Variants in ZNF385D observed in about 807,000 individuals in gnomAD.
ZNF385D encodes zinc finger protein 659.
ZNF385D carries 15 observed loss-of-function variants against 35.8 expected under a neutral mutation model. The ratio of observed to expected loss-of-function variants is 0.42; its 90% confidence interval spans 0.28 to 0.64. The LOEUF is 0.64. Ranked by LOEUF, ZNF385D falls within the 30% of genes least tolerant of loss-of-function variation. The pLI is 0.23. For synonymous variants in ZNF385D, 212 were observed against 186.8 expected (o/e 1.13, Z -1.10); for missense variants, 474 against 494.6 (o/e 0.96, Z 0.39).
At chr3:21,502,743 A>G (rs1430054979) in intron 4 of ZNF385D, among the ~76,000 whole-genome samples, 2 of 152,164 alleles carry the variant, frequency 1.3e-5, no homozygotes, top group African/African-American at 4.8e-5. Flanking sequence ...AAGATCTGCT[A>G]CCAGCACACT....
At chr3:21,476,467 G>T (rs1383881703) in intron 4 of ZNF385D, among the ~76,000 whole-genome samples, 8 of 151,862 alleles carry the variant, frequency 5.3e-5, no homozygotes, top group Non-Finnish European at 8.8e-5. Context: ...TTTTGATGAT[G>T]TTGAGCTCAA....
chr3:22,021,602 T>A (rs1174975047), intron 3 of ZNF385D, among the ~76,000 whole-genome samples: 1 of 152,008 alleles, frequency 6.6e-6, no homozygotes, highest in Non-Finnish European at 1.5e-5. Flanking sequence ...ATAACACAGG[T>A]AGTGTTTAGC....
intron 3 of ZNF385D, among the ~76,000 whole-genome samples, chr3:21,976,074 T>C (rs1438191329): frequency 6.6e-6 from 1 of 152,118 alleles, no homozygotes; most frequent in Admixed American, 6.6e-5. Context: ...GGATGCACCA[T>C]GTATATGGGG....
intron 2 of ZNF385D, among the ~76,000 whole-genome samples, chr3:22,284,913 G>A (rs1399707206): frequency 6.6e-6 from 1 of 152,088 alleles, no homozygotes; most frequent in Non-Finnish European, 1.5e-5. Flanking sequence ...TGCATTAAAA[G>A]GGCAGGCAGG....
At chr3:21,446,547 GC>G (rs1431572796) in intron 4 of ZNF385D, among the ~76,000 whole-genome samples, 1 of 136,646 alleles carries the variant, frequency 7.3e-6, no homozygotes, top group Non-Finnish European at 1.5e-5. Flanking sequence ...AGGCTGGAGT[GC>G]GGTGGCACCA....
At chr3:22,071,170 C>G (rs1193410273) in intron 3 of ZNF385D, among the ~76,000 whole-genome samples, 2 of 152,136 alleles carry the variant, frequency 1.3e-5, no homozygotes, top group Non-Finnish European at 2.9e-5. Flanking sequence ...TGCATTACAA[C>G]TTAGCTTTCT....
At chr3:21,636,414 A>ATAT (rs56114816) in intron 2 of ZNF385D, among the ~76,000 whole-genome samples, 10,061 of 64,148 alleles carry the variant, frequency 0.16, 1,433 homozygotes, top group Admixed American at 0.2. Context: ...ATATATATAT[A>ATAT]GAGTTTCTTA....
Position 22,320,907 on chromosome 3 carries a change from T to C in ZNF385D, c.106+51543A>G, listed in dbSNP as rs191776166. Among the ~76,000 whole-genome samples the C allele has an allele frequency of 3.9e-4, 60 of 152,082 alleles. No homozygotes were observed. The East Asian group carries it at 0.011, about 29-fold the overall frequency. On this transcript the variant is annotated intron_variant, in intron 2 of 5. Coordinates refer to the ZNF385D transcript ENST00000494108. ...ATTTTGTACATTTTAAATATACTTT[T>C]TAATTGCTTAGATGATTGTTATTGG... is the stretch of plus-strand genomic sequence containing the variant.
chr3:21,686,889 T>C (rs1394093810), intron 1 of ZNF385D, among the ~76,000 whole-genome samples: 1 of 152,194 alleles, frequency 6.6e-6, no homozygotes, highest in African/African-American at 2.4e-5. Context: ...CTGGGACAAG[T>C]TAAATACAGC....
chr3:21,525,230 T>A (rs1350938611), intron 3 of ZNF385D, among the ~76,000 whole-genome samples: 1 of 152,208 alleles, frequency 6.6e-6, no homozygotes, highest in African/African-American at 2.4e-5. Context: ...TTTTCAATAT[T>A]TTCAGATATT....
rs923642453 is a variant in ZNF385D, at chr3:22,177,322, A to C, written c.107-8287T>G. On this transcript the variant is annotated intron_variant, in intron 2 of 5. Transcript: ENST00000494108. ...AAAACAGCTTACATAAAACTTAAGA[A>C]AGGTTTGCCCCAGAAAAATTTCTGA... Among the ~76,000 whole-genome samples, 11 of 152,178 alleles carry C rather than the reference A, an allele frequency of 7.2e-5. 1 individual carries two copies. Among genetic ancestry groups the C allele is most frequent in the Admixed American group, 6.5e-4 (10 of 15,270 alleles).
At chr3:22,094,706 G>A (rs944328487) in intron 3 of ZNF385D, among the ~76,000 whole-genome samples, 1 of 151,932 alleles carries the variant, frequency 6.6e-6, no homozygotes, top group Non-Finnish European at 1.5e-5. Context: ...GAGAATACCA[G>A]ACATGCTCAG....
chr3:21,711,059 T>TTTTTTTTA, intron 1 of ZNF385D, among the ~76,000 whole-genome samples: 1 of 145,158 alleles, frequency 6.9e-6, no homozygotes, highest in East Asian at 2.0e-4. Flanking sequence ...TTTTTTTTTT[T>TTTTTTTTA]GAGATGGAGT....
rs941274811 is a variant in ZNF385D at position 22,196,619 on chromosome 3, C to G, written c.107-27584G>C. ...ATATCTTTCCTCTACTTATTAGAGTCCATTGCAGATTGCTAATTTTACCAT... is the reference window on the plus strand; with the variant it reads ...ATATCTTTCCTCTACTTATTAGAGTGCATTGCAGATTGCTAATTTTACCAT... On this transcript the variant is annotated intron_variant, in intron 2 of 5. Coordinates refer to the ZNF385D transcript ENST00000494108. 2.0e-5 allele frequency among the ~76,000 whole-genome samples: 3 copies of G among 152,086 alleles called. No individual in the cohort carries two copies. The South Asian group carries it at 6.2e-4, about 32-fold the overall frequency.
intron 3 of ZNF385D, among the ~76,000 whole-genome samples, chr3:21,990,721 A>G (rs1345511079): frequency 1.3e-5 from 2 of 152,198 alleles, no homozygotes; most frequent in African/African-American, 4.8e-5. Flanking sequence ...TTCTTTTTAG[A>G]GAGCTCAGCC....
At chr3:21,848,682 T>C (rs1167697814) in intron 3 of ZNF385D, among the ~76,000 whole-genome samples, 1 of 151,692 alleles carries the variant, frequency 6.6e-6, no homozygotes, top group East Asian at 1.9e-4. Context: ...CAAGACAGAA[T>C]CGTAAAGAAA....
At chr3:21,848,145 G>A (rs1357505689) in intron 3 of ZNF385D, among the ~76,000 whole-genome samples, 3 of 151,902 alleles carry the variant, frequency 2.0e-5, no homozygotes, top group African/African-American at 7.3e-5. Context: ...TATCCTCAAA[G>A]CTCATCCATG....
chr3:21,602,293 A>G (rs2064318536), intron 2 of ZNF385D, among the ~76,000 whole-genome samples: 1 of 152,038 alleles, frequency 6.6e-6, no homozygotes, highest in African/African-American at 2.4e-5. Flanking sequence ...GACACAGCCA[A>G]ACCATATCAG....
intron 3 of ZNF385D, among the ~76,000 whole-genome samples, chr3:22,063,354 T>C (rs1223511800): frequency 2.6e-5 from 4 of 152,174 alleles, no homozygotes; most frequent in Non-Finnish European, 5.9e-5. Context: ...TGATTAATCT[T>C]CTCTTAAAAT....
Sources: allele counts gnomAD v4.1 joint callset (sites outside exome capture counted in the v4.1 genomes callset), GRCh38; gene constraint gnomAD v4.1.1; transcripts MANE v1.5; gene names NCBI Gene and HGNC (gene_info 2026-07-23, HGNC 2026-07-21).